Variants in URM1 observed in about 807,000 individuals in gnomAD.
The protein encoded by URM1 is ubiquitin related modifier 1.
Under a neutral mutation model 17.7 loss-of-function variants are expected in URM1, and 11 were observed. The ratio of observed to expected loss-of-function variants is 0.62; its 90% CI spans 0.39 to 1.03. URM1 has a LOEUF of 1.03. Among genes scored for constraint, URM1 ranks in the 50% least tolerant of loss-of-function variants. The probability of loss-of-function intolerance (pLI) is 0.00; values close to 1 mark genes in which losing one functional copy is unlikely to be tolerated. For synonymous variants in URM1, 48 were observed against 50.6 expected (o/e 0.95, Z 0.22); for missense variants, 128 against 129.2 (o/e 0.99, Z 0.04).
In URM1 at chr9:128,389,290, A is replaced by T. The variant is rs1361890314; in HGVS notation, c.218A>T (p.Asp73Val). 11 of 1,608,694 alleles carry T rather than the reference A, an allele frequency of 6.8e-6. No individual in the cohort carries two copies. In the Admixed American group the frequency reaches 1.2e-4, roughly 17 times the overall value. The change falls in exon 4 of 5, where the codon GAT becomes GTT. Residue 73 changes from aspartate (D) to valine (V), a missense_variant. Transcript: ENST00000372853. ...VRPGILVLIN[D>V]ADWELLGELD... ...CCAGGAATTCTGGTGCTGATTAACG[A>T]TGCCGACTGGGAGCTACTGGTCAGT...
intron 1 of URM1, among the ~76,000 whole-genome samples, chr9:128,373,668 G>C (rs1415000945): frequency 1.3e-5 from 2 of 152,172 alleles, no homozygotes; most frequent in Non-Finnish European, 2.9e-5. Flanking sequence ...TGTCCCTGTG[G>C]TCCATGTTGT....
chr9:128,386,463 C>T (rs1241320433), intron 2 of URM1, among the ~76,000 whole-genome samples: 3 of 152,238 alleles, frequency 2.0e-5, no homozygotes, highest in Non-Finnish European at 4.4e-5. Flanking sequence ...AATGGAAAGG[C>T]GGCAGTCTCA....
chr9:128,390,196 T>A lies in URM1; in HGVS notation c.*462T>A, dbSNP rs1833291018. 2 of 180,320 alleles carry A rather than the reference T, an allele frequency of 1.1e-5. No individual in the cohort carries two copies. Among genetic ancestry groups the A allele is most frequent in the African/African-American group, 2.4e-5 (1 of 41,876 alleles). The allele number at this position is 180,320 out of a possible 1,614,324, so 11.2% of individuals were successfully genotyped here. A position where few individuals can be genotyped will look rare whatever the true frequency, so the allele number is the denominator to read the frequency against. On this transcript the variant is annotated 3_prime_UTR_variant, in exon 5 of 5. Transcript: ENST00000372853. The stretch of plus-strand genomic sequence containing the variant: ...AGACTGGAGGCTTCTCAGCCTCAAT[T>A]TCCCTGTCTGTACAGCTGAGGGCTC...
At chr9:128,374,566 T>G (rs1338005965) in intron 1 of URM1, among the ~76,000 whole-genome samples, 1 of 152,116 alleles carries the variant, frequency 6.6e-6, no homozygotes, top group African/African-American at 2.4e-5. Context: ...CAGATGGGCC[T>G]CCTCTCCCCC....
At chr9:128,385,562 T>G (rs1239290569) in intron 2 of URM1, among the ~76,000 whole-genome samples, 2 of 152,168 alleles carry the variant, frequency 1.3e-5, no homozygotes, top group East Asian at 3.9e-4. Context: ...CCAGCCCCTA[T>G]CTATCACAGA....
At chr9:128,384,018 G>A (rs185431615) in intron 2 of URM1, among the ~76,000 whole-genome samples, 249 of 152,328 alleles carry the variant, frequency 1.6e-3, no homozygotes, top group Admixed American at 3.1e-3. Context: ...TGTCCTGTGT[G>A]TGTGACACTG....
chr9:128,379,640 A>AT (rs1213176505), intron 2 of URM1, among the ~76,000 whole-genome samples: 1 of 152,108 alleles, frequency 6.6e-6, no homozygotes, highest in Non-Finnish European at 1.5e-5. Context: ...TCTACTAAAA[A>AT]TACAAAAAAA....
Position 128,389,881 on chromosome 9 carries a change from G to A in URM1, c.*147G>A. 3.6e-6 allele frequency: 4 copies of A among 1,116,400 alleles called. No homozygotes were observed. Among genetic ancestry groups the A allele is most frequent in the South Asian group, 1.6e-5 (1 of 60,756 alleles). The allele number at this position is 1,116,400 out of a possible 1,614,324, so 69.2% of individuals were successfully genotyped here. Reference sequence around the variant, plus strand: ...AAGCTCCCTCCAGGCAGGGAAAAGAGGCCAGGTGCTAAAAATGAGCCTTTC... The same window carrying A: ...AAGCTCCCTCCAGGCAGGGAAAAGAAGCCAGGTGCTAAAAATGAGCCTTTC... On this transcript the variant is annotated 3_prime_UTR_variant, in exon 5 of 5. Coordinates refer to ENST00000372853, the MANE Select transcript of URM1 (RefSeq NM_030914.4).
rs1588590675 is a variant in URM1, at chr9:128,391,127, G to T, written c.*1393G>T. ...TTTGCTGGAGGGAGACCCCCAAAAA[G>T]AATTAGGGTGCTAACATCCCACCAA... is the stretch of plus-strand genomic sequence containing the variant. On this transcript the variant is annotated 3_prime_UTR_variant, in exon 5 of 5. Coordinates refer to ENST00000372853, the MANE Select transcript of URM1 (RefSeq NM_030914.4). 6.6e-6 allele frequency: 1 copy of T among 152,202 alleles called. No individual in the cohort carries two copies. Among genetic ancestry groups the T allele is most frequent in the East Asian group, 1.9e-4 (1 of 5,204 alleles). 9.4% of individuals were successfully genotyped at this position (152,202 alleles called of 1,614,324 possible). A position where few individuals can be genotyped will look rare whatever the true frequency, so the allele number is the denominator to read the frequency against.
intron 3 of URM1, chr9:128,388,351 TG>T: frequency 1.0e-6 from 1 of 997,020 alleles, no homozygotes; most frequent in Non-Finnish European, 1.2e-6. Context: ...AAGGAGTCAT[TG>T]ACTCTGTGCG....
chr9:128,376,048 G>A (rs1317073075), intron 1 of URM1, among the ~76,000 whole-genome samples: 3 of 151,648 alleles, frequency 2.0e-5, no homozygotes. Flanking sequence ...GGCAAATTTG[G>A]GTACTTGATT....
At chr9:128,373,187 C>CA (rs1030760127) in intron 1 of URM1, among the ~76,000 whole-genome samples, 1 of 134,908 alleles carries the variant, frequency 7.4e-6, no homozygotes, top group African/African-American at 2.7e-5. Context: ...CCCACCCACC[C>CA]ACCCACCCAC....
Position 128,388,697 on chromosome 9 carries a change from A to G in URM1, c.189-564A>G, listed in dbSNP as rs934934700. On this transcript the variant is annotated intron_variant, in intron 3 of 4. Transcript: ENST00000372853. ...AAGCTGCCTGACCAAATGTTGACCT[A>G]CCCTGCCTTATGCCAGGCAGGACTG... The G allele has an allele frequency of 1.9e-5, 19 of 986,384 alleles. No individual in the cohort carries two copies. The African/African-American group carries it at 2.8e-4, about 15-fold the overall frequency. The allele number at this position is 986,384 out of a possible 1,614,324, so 61.1% of individuals were successfully genotyped here.
Position 128,387,286 on chromosome 9 carries a change from C to G in URM1, c.107-530C>G, listed in dbSNP as rs1162348454. On this transcript the variant is annotated intron_variant, in intron 2 of 4. Coordinates refer to ENST00000372853, the MANE Select transcript of URM1 (RefSeq NM_030914.4). This position sits in a 1 kb window ranked among gnomAD's most constrained non-coding sequence, Gnocchi z 4.3. Reference sequence around the variant, plus strand: ...GTGAATGATCCTTCTCTCCCTCTGCCAGAGGAAATTAACTGATGTTATCAG... The same window carrying G: ...GTGAATGATCCTTCTCTCCCTCTGCGAGAGGAAATTAACTGATGTTATCAG... Among the ~76,000 whole-genome samples, 1 of 152,238 alleles carries G rather than the reference C, an allele frequency of 6.6e-6. No homozygotes were observed. Among genetic ancestry groups the G allele is most frequent in the Non-Finnish European group, 1.5e-5 (1 of 68,042 alleles).
intron 2 of URM1, among the ~76,000 whole-genome samples, chr9:128,383,445 G>A (rs936580314): frequency 1.3e-5 from 2 of 152,114 alleles, no homozygotes; most frequent in Non-Finnish European, 2.9e-5. Flanking sequence ...CCGAAGAGCC[G>A]TCTTGGAGCC....
chr9:128,388,899 C>A, intron 3 of URM1: 1 of 1,044,190 alleles, frequency 9.6e-7, no homozygotes, highest in Admixed American at 5.0e-5. Context: ...GTGTGGCAAG[C>A]ACTCCACACA....
At chr9:128,380,670 C>G (rs1031515682) in intron 2 of URM1, among the ~76,000 whole-genome samples, 2 of 142,654 alleles carry the variant, frequency 1.4e-5, no homozygotes, top group Non-Finnish European at 3.0e-5. Context: ...GAGTCTCGCT[C>G]TGTCTCCCAG....
rs913079133 is a variant in URM1 at position 128,390,885 on chromosome 9, G to C, written c.*1151G>C. The C allele has an allele frequency of 4.6e-5, 7 of 152,650 alleles. No homozygotes were observed. Among genetic ancestry groups the C allele is most frequent in the African/African-American group, 1.7e-4 (7 of 41,462 alleles). 9.5% of individuals were successfully genotyped at this position (152,650 alleles called of 1,614,324 possible). A position where few individuals can be genotyped will look rare whatever the true frequency, so the allele number is the denominator to read the frequency against. On this transcript the variant is annotated 3_prime_UTR_variant, in exon 5 of 5. Transcript: ENST00000372853. ...GGGGGTGAACACTCAGACAATCTGA[G>C]AGGGGGTAGTCTAATAGAGCCATCT...
intron 2 of URM1, among the ~76,000 whole-genome samples, chr9:128,382,673 A>G (rs1833175514): frequency 6.6e-6 from 1 of 152,142 alleles, no homozygotes; most frequent in Admixed American, 6.6e-5. Flanking sequence ...CCCTATCTGT[A>G]AGATGGGAGG....
Sources: gnomAD v4.1 joint callset for allele counts (sites outside exome capture counted in the v4.1 genomes callset) on GRCh38, gnomAD v4.1.1 for gene constraint, Gnocchi (gnomAD v3.1) non-coding constraint, MANE v1.5 for transcripts, NCBI Gene and HGNC (gene_info 2026-07-23, HGNC 2026-07-21) for gene names.